TTC28: variants seen among roughly 807,000 people sequenced by gnomAD.
TTC28 encodes tetratricopeptide repeat protein 28.
Under a neutral mutation model 198.0 loss-of-function variants are expected in TTC28, and 61 were observed. That is an observed-to-expected ratio of 0.31 (90% CI 0.25 to 0.38). TTC28 has a LOEUF of 0.38. TTC28 is among the 10% of genes least tolerant of loss of function. The pLI is 1.00. For synonymous variants in TTC28, 1,171 were observed against 1,297.8 expected, an observed-to-expected ratio of 0.90 and a Z score of 2.10; for missense variants, 2,678 against 3,164.0, an observed-to-expected ratio of 0.85 and a Z score of 3.69.
At chr22:28,248,035 C>A (rs9608673) in intron 5 of TTC28, among the ~76,000 whole-genome samples, 1 of 152,224 alleles carries the variant, frequency 6.6e-6, no homozygotes, top group South Asian at 2.1e-4. Context: ...GATAAACATT[C>A]TAAAAGAACT....
intron 2 of TTC28, among the ~76,000 whole-genome samples, chr22:28,556,650 A>G (rs148658368): frequency 1.1e-4 from 16 of 152,152 alleles, no homozygotes; most frequent in African/African-American, 3.9e-4. Context: ...AACAATAAAC[A>G]CCTATTATTC....
At chr22:28,590,328 A>C (rs2146087215) in intron 2 of TTC28, among the ~76,000 whole-genome samples, 1 of 151,842 alleles carries the variant, frequency 6.6e-6, no homozygotes, top group Admixed American at 6.6e-5. Flanking sequence ...ACGGGGTTTC[A>C]CCATGTTAGC....
intron 5 of TTC28, among the ~76,000 whole-genome samples, chr22:28,248,699 A>C (rs1049153304): frequency 1.3e-5 from 2 of 152,108 alleles, no homozygotes; most frequent in African/African-American, 2.4e-5. Flanking sequence ...ATCTTGTAAA[A>C]CTATAGGGCT....
chr22:28,085,039 T>C (rs1941522087), intron 12 of TTC28, among the ~76,000 whole-genome samples: 1 of 151,960 alleles, frequency 6.6e-6, no homozygotes, highest in African/African-American at 2.4e-5. Context: ...GTCTGATTGG[T>C]GTACCTGAAA....
chr22:28,237,214 T>A (rs1929316375), intron 5 of TTC28, among the ~76,000 whole-genome samples: 1 of 152,000 alleles, frequency 6.6e-6, no homozygotes, highest in African/African-American at 2.4e-5. Flanking sequence ...CAATGGTTGC[T>A]CTCCACAGCC....
intron 12 of TTC28, among the ~76,000 whole-genome samples, chr22:28,040,456 C>T (rs1011363586): frequency 6.6e-6 from 1 of 152,110 alleles, no homozygotes; most frequent in African/African-American, 2.4e-5. Flanking sequence ...TAAATGTAAT[C>T]TATTACATAA....
rs992529920 is a variant in TTC28, at chr22:28,107,392, T to G, written c.2453A>C (p.Glu818Ala). ...GKYTMAFKCY[E>A]EQLDLGQKLK... ...CTTTTGCCCTAGATCCAGTTGCTCT[T>G]CATAACACTTGAATGCCATTGTGTA... Residue 818 changes from glutamate (E) to alanine (A), a missense_variant, in exon 7 of 23, where the codon GAA becomes GCA. Around this residue, in one of 8 missense-constraint regions of TTC28, gnomAD observed 775 missense variants for 845.9 expected, o/e 0.92. Coordinates refer to ENST00000397906, the MANE Select transcript of TTC28 (RefSeq NM_001145418.2). The G allele has an allele frequency of 5.8e-6, 9 of 1,551,720 alleles. No homozygotes were observed. The African/African-American group carries it at 1.2e-4, about 21-fold the overall frequency.
intron 12 of TTC28, among the ~76,000 whole-genome samples, chr22:28,090,044 A>G (rs2146844485): frequency 6.6e-6 from 1 of 151,318 alleles, no homozygotes; most frequent in South Asian, 2.1e-4. Context: ...CAGCACACCA[A>G]CATGGCACAT....
At chr22:28,612,878 CA>C (rs911905083) in intron 2 of TTC28, among the ~76,000 whole-genome samples, 4 of 151,842 alleles carry the variant, frequency 2.6e-5, no homozygotes, top group African/African-American at 9.7e-5. Context: ...TGAGAAAAAG[CA>C]AAAAATATCT....
chr22:28,041,029 T>A (rs1939613846), intron 12 of TTC28, among the ~76,000 whole-genome samples: 1 of 152,166 alleles, frequency 6.6e-6, no homozygotes, highest in Non-Finnish European at 1.5e-5. Context: ...CTACAAGGGA[T>A]GTGAACGACC....
intron 5 of TTC28, among the ~76,000 whole-genome samples, chr22:28,293,017 C>T (rs956641539): frequency 1.3e-5 from 2 of 152,100 alleles, no homozygotes; most frequent in African/African-American, 2.4e-5. Context: ...TGTACATTCC[C>T]GTAAGTTCTA....
chr22:28,365,993 T>C (rs774968723), intron 2 of TTC28, among the ~76,000 whole-genome samples: 2 of 152,260 alleles, frequency 1.3e-5, no homozygotes, highest in Non-Finnish European at 2.9e-5. Context: ...AACATCTATT[T>C]GCACATGGCT....
At chr22:28,536,844 G>A (rs1478894133) in intron 2 of TTC28, among the ~76,000 whole-genome samples, 1 of 151,940 alleles carries the variant, frequency 6.6e-6, no homozygotes, top group Non-Finnish European at 1.5e-5. Context: ...GTAACACTGG[G>A]AAGATACTAG....
At chr22:28,196,936 A>T (rs536606289) in intron 5 of TTC28, among the ~76,000 whole-genome samples, 1 of 152,286 alleles carries the variant, frequency 6.6e-6, no homozygotes, top group Non-Finnish European at 1.5e-5. Flanking sequence ...TACCCAAAGG[A>T]TTATAAATCA....
intron 5 of TTC28, among the ~76,000 whole-genome samples, chr22:28,259,988 T>C (rs1169716886): frequency 6.6e-6 from 1 of 152,154 alleles, no homozygotes; most frequent in African/African-American, 2.4e-5. Flanking sequence ...AAGTCAACTG[T>C]CTATGCATTT....
intron 12 of TTC28, among the ~76,000 whole-genome samples, chr22:28,079,478 G>A (rs1440395831): frequency 6.6e-6 from 1 of 151,990 alleles, no homozygotes; most frequent in Non-Finnish European, 1.5e-5. Context: ...TTATAAAACT[G>A]AAGCCCTATA....
intron 5 of TTC28, among the ~76,000 whole-genome samples, chr22:28,254,644 C>G (rs945344698): frequency 2.6e-5 from 4 of 152,104 alleles, no homozygotes; most frequent in Admixed American, 1.3e-4. Context: ...ATGTGGACTC[C>G]CTCCCACTAA....
At chr22:28,210,012 AC>A (rs1410301961) in intron 5 of TTC28, among the ~76,000 whole-genome samples, 2 of 152,166 alleles carry the variant, frequency 1.3e-5, no homozygotes, top group Non-Finnish European at 2.9e-5. Context: ...CAATGGAGAT[AC>A]CCTGGCAAAC....
chr22:28,431,970 T>G (rs1262978014), intron 2 of TTC28, among the ~76,000 whole-genome samples: 1 of 146,534 alleles, frequency 6.8e-6, no homozygotes, highest in Non-Finnish European at 1.5e-5. Context: ...AGAGTGAGAC[T>G]CTGTCTTAAA....
Sources: allele counts gnomAD v4.1 joint callset (sites outside exome capture counted in the v4.1 genomes callset), GRCh38; gene constraint gnomAD v4.1.1; regional missense constraint gnomAD v4.1.1; transcripts MANE v1.5; gene names NCBI Gene and HGNC (gene_info 2026-07-23, HGNC 2026-07-21).